Variants in SLC13A4 observed in about 807,000 individuals in gnomAD.
SLC13A4 encodes the protein Na(+)/sulfate cotransporter SUT-1.
A neutral mutation model predicts 72.7 loss-of-function variants in SLC13A4; 28 were observed. The observed-to-expected ratio is 0.39, with a 90% CI of 0.29 to 0.53. SLC13A4 has a LOEUF of 0.53. SLC13A4 is among the 20% of genes least tolerant of loss of function. SLC13A4 has a pLI of 0.78. For synonymous variants in SLC13A4, 312 were observed against 325.5 expected, an observed-to-expected ratio of 0.96 and a Z score of 0.45; for missense variants, 653 against 788.0, an observed-to-expected ratio of 0.83 and a Z score of 2.05.
Position 135,691,605 on chromosome 7 carries a change from C to CG in SLC13A4, c.1263_1264insC (p.Gly422ArgfsTer19), listed in dbSNP as rs1268740167. ...GCTGGAATGAGGAAGAGGAGGAAGC[C>CG]AAGGAAGACAGAGACTGTGGCATCA... On this transcript the variant is annotated frameshift_variant, in exon 12 of 16. Transcript: ENST00000682651. LOFTEE classifies it high-confidence loss of function. 1 of 1,613,808 alleles carries CG rather than the reference C, an allele frequency of 6.2e-7. No homozygotes were observed. Among genetic ancestry groups the CG allele is most frequent in the Non-Finnish European group, 8.5e-7 (1 of 1,179,838 alleles).
At chr7:135,700,844 C>A (rs1796017885) in intron 7 of SLC13A4, among the ~76,000 whole-genome samples, 1 of 152,136 alleles carries the variant, frequency 6.6e-6, no homozygotes, top group Admixed American at 6.6e-5. Flanking sequence ...GAGACGAGAT[C>A]TGGCTGTGTT....
chr7:135,699,414 G>C lies in SLC13A4; in HGVS notation c.849C>G (p.Thr283=). 6.2e-7 allele frequency: 1 copy of C among 1,613,346 alleles called. No homozygotes were observed. Among genetic ancestry groups the C allele is most frequent in the Non-Finnish European group, 8.5e-7 (1 of 1,179,656 alleles). Residue 283 remains threonine (T), a synonymous_variant, in exon 8 of 16, where the codon ACC becomes ACG. Transcript: ENST00000682651. ...GGCTGGTGGAGGTGCCGATGATGGT[G>C]GTCAGGCCGCCAATGGTAGCGGAGT... ...ISYSATIGGL[T]TIIGTSTSLI...
Position 135,727,532 on chromosome 7 carries a change from C to A in SLC13A4, c.-36G>T. 1.3e-6 allele frequency: 2 copies of A among 1,529,116 alleles called. No homozygotes were observed. The highest frequency in any genetic ancestry group is 1.8e-6 in the Non-Finnish European group (2 of 1,132,238). The allele number at this position is 1,529,116 out of a possible 1,614,324, so 94.7% of individuals were successfully genotyped here. On this transcript the variant is annotated 5_prime_UTR_variant, in exon 1 of 16. Coordinates refer to ENST00000682651, the MANE Select transcript of SLC13A4 (RefSeq NM_001318192.2). ...TCCTCTCCAGCTCGTCCTTGGACCC[C>A]GCTCTGCCGGCGAAAGGCTTCCTGC... is the stretch of plus-strand genomic sequence containing the variant.
At chr7:135,702,799 G>A in intron 6 of SLC13A4, 46 bp downstream of exon 6, 2 of 1,531,656 alleles carry the variant, frequency 1.3e-6, no homozygotes, top group South Asian at 2.2e-5. Flanking sequence ...AAGTGCTGAG[G>A]GATTTTCAAG....
rs565455983 is a variant in SLC13A4, at chr7:135,715,058, G to A, written c.228+6337C>T. On this transcript the variant is annotated intron_variant, in intron 2 of 15. Coordinates refer to ENST00000682651, the MANE Select transcript of SLC13A4 (RefSeq NM_001318192.2). Reference sequence around the variant, plus strand: ...TGTGTGTGAGGGTATGAGTGTGTATGTGAATGTGTGTGTGTATGATGTGTG... The same window carrying A: ...TGTGTGTGAGGGTATGAGTGTGTATATGAATGTGTGTGTGTATGATGTGTG... Among the ~76,000 whole-genome samples the A allele has an allele frequency of 6.1e-4, 82 of 133,968 alleles. 1 individual carries two copies. The Admixed American group carries it at 6.4e-3, about 11-fold the overall frequency. The allele number at this position is 133,968 out of a possible 152,430, so 87.9% of individuals were successfully genotyped here.
At chr7:135,719,614 A>G (rs3110815) in intron 2 of SLC13A4, among the ~76,000 whole-genome samples, 45,951 of 151,838 alleles carry the variant, frequency 0.3, 7,406 homozygotes, top group Admixed American at 0.38. Flanking sequence ...ACGAAAGAAG[A>G]GGGGGCAATT....
At chr7:135,707,960 C>A (rs1796206013) in intron 3 of SLC13A4, 154 bp downstream of exon 3, 6 of 823,980 alleles carry the variant, frequency 7.3e-6, no homozygotes, top group Non-Finnish European at 9.6e-6. Context: ...CAGGCCCTCT[C>A]CCTGGACGGG....
chr7:135,684,278 A>C lies in SLC13A4; in HGVS notation c.1609-17T>G, dbSNP rs1795572550. 2 of 1,583,410 alleles carry C rather than the reference A, an allele frequency of 1.3e-6. No homozygotes were observed. The highest frequency in any genetic ancestry group is 1.7e-6 in the Non-Finnish European group (2 of 1,160,430). On this transcript the variant is annotated splice_polypyrimidine_tract_variant and intron_variant, in intron 14 of 15. Transcript: ENST00000682651. ...CGTTTCAGACTAGAAGAGAGAATTC[A>C]CAGAAACATTCACGAGATTAGGCTT...
chr7:135,698,631 G>A (rs2129494360), intron 8 of SLC13A4, among the ~76,000 whole-genome samples: 1 of 137,882 alleles, frequency 7.3e-6, no homozygotes, highest in African/African-American at 2.9e-5. Flanking sequence ...CACCGTGCTG[G>A]GACTTTTTTT....
At chr7:135,685,249 G>T (rs544496419) in intron 14 of SLC13A4, among the ~76,000 whole-genome samples, 16 of 152,298 alleles carry the variant, frequency 1.1e-4, no homozygotes, top group Admixed American at 6.5e-4. Context: ...TATGTTCTTT[G>T]GTTTCCACTC....
intron 2 of SLC13A4, among the ~76,000 whole-genome samples, chr7:135,709,047 A>G (rs1258042759): frequency 2.0e-5 from 3 of 148,312 alleles, no homozygotes; most frequent in Non-Finnish European, 3.0e-5. Flanking sequence ...CTCCTGCCTC[A>G]GCCTCCCGAG....
At chr7:135,687,539 T>G (rs1209286978) in intron 13 of SLC13A4, among the ~76,000 whole-genome samples, 1 of 152,240 alleles carries the variant, frequency 6.6e-6, no homozygotes, top group African/African-American at 2.4e-5. Context: ...TGTAGCCACT[T>G]CACCTTGTAG....
chr7:135,724,386 G>A (rs3112365), intron 1 of SLC13A4, among the ~76,000 whole-genome samples: 109,935 of 151,764 alleles, frequency 0.72, 40,532 homozygotes, highest in African/African-American at 0.87. Context: ...AATCCTAGCT[G>A]CTCTGGAGGC....
intron 2 of SLC13A4, among the ~76,000 whole-genome samples, chr7:135,709,631 T>C (rs527385743): frequency 6.6e-6 from 1 of 152,212 alleles, no homozygotes; most frequent in Non-Finnish European, 1.5e-5. Flanking sequence ...CATAGGGCAG[T>C]TAAAAAGATG....
chr7:135,721,601 G>A (rs1198309873), intron 1 of SLC13A4, 78 bp from the exon 2 acceptor site: 3 of 1,576,244 alleles, frequency 1.9e-6, no homozygotes, highest in Non-Finnish European at 2.6e-6. Flanking sequence ...CCTGGCATCT[G>A]AGGCAGCAGA....
intron 2 of SLC13A4, among the ~76,000 whole-genome samples, chr7:135,715,960 C>T (rs1199875912): frequency 6.6e-6 from 1 of 152,210 alleles, no homozygotes; most frequent in Non-Finnish European, 1.5e-5. Context: ...TCTCCCAAGG[C>T]ACAAAGTCTA....
At chr7:135,706,410 GA>G in intron 3 of SLC13A4, 110 bp from the exon 4 acceptor site, 1 of 1,158,484 alleles carries the variant, frequency 8.6e-7, no homozygotes, top group Non-Finnish European at 1.2e-6. Context: ...GCTGTGGCTG[GA>G]AAGGCAGGCA....
At chr7:135,688,383 A>T (rs757521769) in intron 13 of SLC13A4, among the ~76,000 whole-genome samples, 21 of 151,824 alleles carry the variant, frequency 1.4e-4, no homozygotes, top group Admixed American at 4.6e-4. Flanking sequence ...CAGCCTCCCA[A>T]GTAGCTGGGA....
At chr7:135,691,710 C>T in intron 11 of SLC13A4, 65 bp from the exon 12 acceptor site, 9 of 1,136,418 alleles carry the variant, frequency 7.9e-6, no homozygotes, top group Middle Eastern at 3.9e-4. Context: ...CATGATGTCT[C>T]GGAGCAGTCT....
Sources: gnomAD v4.1 joint callset for allele counts (sites outside exome capture counted in the v4.1 genomes callset) on GRCh38, gnomAD v4.1.1 for gene constraint, MANE v1.5 for transcripts, NCBI Gene and HGNC (gene_info 2026-07-23, HGNC 2026-07-21) for gene names.